Variants in ATP8A2 observed in about 807,000 individuals in gnomAD.
ATP8A2 encodes ATPase phospholipid transporting 8A2.
ATP8A2 carries 100 observed loss-of-function variants against 165.6 expected under a neutral mutation model. The ratio of observed to expected loss-of-function variants is 0.60; its 90% confidence interval spans 0.51 to 0.71. The LOEUF (loss-of-function observed/expected upper bound fraction) is 0.71, where lower values mean the gene tolerates loss of function less well. Ranked by LOEUF, ATP8A2 falls within the 30% of genes least tolerant of loss-of-function variation. The pLI, the probability that ATP8A2 is intolerant of heterozygous loss-of-function variation, is 0.00. For missense variants in ATP8A2, 1,227 were observed against 1,479.5 expected, an observed-to-expected ratio of 0.83 and a Z score of 2.80; for synonymous variants, 543 against 548.8, an observed-to-expected ratio of 0.99 and a Z score of 0.15.
At chr13:25,898,805 C>G (rs1953646788) in intron 33 of ATP8A2, among the ~76,000 whole-genome samples, 1 of 152,212 alleles carries the variant, frequency 6.6e-6, no homozygotes, top group African/African-American at 2.4e-5. Flanking sequence ...GAACGAGGCT[C>G]CGTGGGCATA....
At chr13:25,584,049 G>A (rs917431034) in intron 23 of ATP8A2, among the ~76,000 whole-genome samples, 1 of 151,970 alleles carries the variant, frequency 6.6e-6, no homozygotes, top group African/African-American at 2.4e-5. Flanking sequence ...ACACATCTTG[G>A]GTGTTACTAA....
At chr13:25,839,446 C>A in intron 29 of ATP8A2, 100 bp from the exon 30 acceptor site, 2 of 812,642 alleles carry the variant, frequency 2.5e-6, no homozygotes, top group Non-Finnish European at 4.3e-6. Context: ...AACCGTGCAG[C>A]GCACGGCCAG....
chr13:25,590,311 G>C (rs890418455), intron 24 of ATP8A2, among the ~76,000 whole-genome samples: 4 of 152,138 alleles, frequency 2.6e-5, no homozygotes, highest in Non-Finnish European at 5.9e-5. Flanking sequence ...TGTAGTCCCA[G>C]CTGCTTGGGA....
chr13:25,451,447 A>G (rs1325033066), intron 1 of ATP8A2, among the ~76,000 whole-genome samples: 1 of 152,098 alleles, frequency 6.6e-6, no homozygotes, highest in Non-Finnish European at 1.5e-5. Flanking sequence ...ATATCAGAAA[A>G]TAGTTGTTTC....
At chr13:25,616,397 T>A (rs1255446989) in intron 24 of ATP8A2, among the ~76,000 whole-genome samples, 1 of 142,156 alleles carries the variant, frequency 7.0e-6, no homozygotes, top group Non-Finnish European at 1.5e-5. Context: ...AGTGGCACCA[T>A]CTCGGCTCAC....
intron 24 of ATP8A2, among the ~76,000 whole-genome samples, chr13:25,658,289 T>C (rs1029238739): frequency 6.6e-6 from 1 of 152,278 alleles, no homozygotes; most frequent in African/African-American, 2.4e-5. Flanking sequence ...CCACCAAAAA[T>C]GACCAGACAT....
intron 33 of ATP8A2, among the ~76,000 whole-genome samples, chr13:25,883,309 C>T (rs1953040822): frequency 6.6e-6 from 1 of 152,168 alleles, no homozygotes; most frequent in African/African-American, 2.4e-5. Context: ...AATTCCAGTA[C>T]TCAGGAGGCT....
intron 35 of ATP8A2, among the ~76,000 whole-genome samples, chr13:25,984,928 C>T (rs1956245958): frequency 6.6e-6 from 1 of 152,204 alleles, no homozygotes; most frequent in Admixed American, 6.5e-5. Flanking sequence ...GGAAAGTCAC[C>T]TCTCACCCCC....
Position 25,756,467 on chromosome 13 carries a change from G to A in ATP8A2, c.2385-12579G>A, listed in dbSNP as rs116439858. On this transcript the variant is annotated intron_variant, in intron 25 of 36. Transcript: ENST00000381655. ...ACCTGTGTTCTGTCTCCCACCCACG[G>A]CCCAGTTGCTCAGCAGAATTATGTG... 2.8e-3 allele frequency among the ~76,000 whole-genome samples: 422 copies of A among 152,118 alleles called. 2 individuals carry two copies. The highest frequency in any genetic ancestry group is 9.8e-3 in the African/African-American group (408 of 41,496).
chr13:25,998,592 G>A (rs554673079), intron 35 of ATP8A2, among the ~76,000 whole-genome samples: 28 of 152,240 alleles, frequency 1.8e-4, no homozygotes, highest in Non-Finnish European at 3.8e-4. Flanking sequence ...ATTCAGAATC[G>A]TCCTCTGCCT....
At chr13:25,850,898 A>G (rs1951991651) in intron 30 of ATP8A2, among the ~76,000 whole-genome samples, 1 of 152,174 alleles carries the variant, frequency 6.6e-6, no homozygotes, top group Non-Finnish European at 1.5e-5. Flanking sequence ...ACAAGAAACG[A>G]CACCCACAGG....
At chr13:25,450,758 C>T (rs1368812513) in intron 1 of ATP8A2, among the ~76,000 whole-genome samples, 1 of 152,022 alleles carries the variant, frequency 6.6e-6, no homozygotes, top group Non-Finnish European at 1.5e-5. Context: ...GTCTCAATCT[C>T]CTGACCTCGT....
intron 18 of ATP8A2, among the ~76,000 whole-genome samples, chr13:25,574,225 A>G (rs2039551381): frequency 6.6e-6 from 1 of 152,250 alleles, no homozygotes; most frequent in African/African-American, 2.4e-5. Flanking sequence ...TTGCTCTGAG[A>G]CCAGGTACAG....
Position 25,570,809 on chromosome 13 carries a change from G to A in ATP8A2, c.1516G>A (p.Val506Met), listed in dbSNP as rs1358476114. Residue 506 changes from valine to methionine, a missense_variant, in exon 17 of 37, where the codon GTG becomes ATG. Val to Met is a conservative substitution (Grantham distance 21). Transcript: ENST00000381655. ...TCAGGAGTTCCTCACCCTTCTGGCC[G>A]TGTGCCACACGGTTGTTCCTGAGAA... ...CIQEFLTLLA[V>M]CHTVVPEKDG... 5.6e-6 allele frequency: 9 copies of A among 1,613,558 alleles called. No individual in the cohort carries two copies. The highest frequency in any genetic ancestry group is 4.5e-5 in the East Asian group (2 of 44,868).
intron 34 of ATP8A2, among the ~76,000 whole-genome samples, chr13:25,965,074 G>C (rs1955749279): frequency 6.6e-6 from 1 of 152,176 alleles, no homozygotes; most frequent in Admixed American, 6.5e-5. Flanking sequence ...TGGGAGAATG[G>C]CTTGAACCCA....
chr13:25,787,355 A>T (rs1227353929), intron 27 of ATP8A2, among the ~76,000 whole-genome samples: 1 of 152,170 alleles, frequency 6.6e-6, no homozygotes, highest in Non-Finnish European at 1.5e-5. Context: ...ACTCAATATA[A>T]TGCATCTGAG....
intron 1 of ATP8A2, among the ~76,000 whole-genome samples, chr13:25,410,269 T>C (rs1251866760): frequency 6.6e-6 from 1 of 152,132 alleles, no homozygotes; most frequent in Non-Finnish European, 1.5e-5. Context: ...TGAATTCATG[T>C]TTGTCTTCAA....
intron 30 of ATP8A2, among the ~76,000 whole-genome samples, chr13:25,844,327 T>C (rs1951810761): frequency 6.6e-6 from 1 of 152,062 alleles, no homozygotes; most frequent in Non-Finnish European, 1.5e-5. Context: ...ACCTCCCATG[T>C]TCAAGTGATT....
intron 35 of ATP8A2, 78 bp downstream of exon 35, chr13:25,968,757 T>G: frequency 2.4e-6 from 3 of 1,237,866 alleles, no homozygotes; most frequent in Non-Finnish European, 3.5e-6. Flanking sequence ...GTATTTCTTT[T>G]TCTCATCTTG....
Sources: gnomAD v4.1 joint callset for allele counts (sites outside exome capture counted in the v4.1 genomes callset) on GRCh38, gnomAD v4.1.1 for gene constraint, MANE v1.5 for transcripts, NCBI Gene and HGNC (gene_info 2026-07-23, HGNC 2026-07-21) for gene names.